The following C12orf42 variants were observed in gnomAD, a reference collection of about 807,000 sequenced individuals.
The protein encoded by C12orf42 is chromosome 12 open reading frame 42.
A neutral mutation model predicts 21.6 loss-of-function variants in C12orf42; 25 were observed. The ratio of observed to expected loss-of-function variants is 1.16; its 90% confidence interval spans 0.84 to 1.62. The LOEUF (loss-of-function observed/expected upper bound fraction) is 1.62. C12orf42 is among the 40% of genes most tolerant of loss of function. The pLI is 0.00. For synonymous variants in C12orf42, 174 were observed against 175.0 expected, an observed-to-expected ratio of 0.99 and a Z score of 0.05; for missense variants, 483 against 459.3, an observed-to-expected ratio of 1.05 and a Z score of -0.47.
At chr12:103,287,826 G>C (rs1419586060) in intron 4 of C12orf42, among the ~76,000 whole-genome samples, 1 of 151,722 alleles carries the variant, frequency 6.6e-6, no homozygotes. Flanking sequence ...GAGAGACAGA[G>C]AGAGAAAGTT....
the C12orf42 span, among the ~76,000 whole-genome samples, chr12:103,093,223 A>T: frequency 6.6e-6 from 1 of 152,136 alleles, no homozygotes; most frequent in Non-Finnish European, 1.5e-5. Flanking sequence ...ATTCAGCTTG[A>T]CCATGTCTGA....
At chr12:103,077,864 A>G in the C12orf42 span, among the ~76,000 whole-genome samples, 1 of 152,194 alleles carries the variant, frequency 6.6e-6, no homozygotes, top group South Asian at 2.1e-4. Flanking sequence ...TTTAGAGTCC[A>G]CAATAGTTGC....
the C12orf42 span, among the ~76,000 whole-genome samples, chr12:103,232,583 C>T: frequency 2.6e-5 from 4 of 152,006 alleles, no homozygotes; most frequent in South Asian, 4.2e-4. Flanking sequence ...TGGTGGCAGG[C>T]GCCTGTAGTC....
chr12:103,458,518 TAA>T (rs923496460), intron 2 of C12orf42, among the ~76,000 whole-genome samples: 1 of 152,116 alleles, frequency 6.6e-6, no homozygotes, highest in African/African-American at 2.4e-5. Flanking sequence ...CACTTTGAGA[TAA>T]AAATATCTAC....
At chr12:103,469,705 C>T (rs778590220) in intron 2 of C12orf42, among the ~76,000 whole-genome samples, 1 of 152,130 alleles carries the variant, frequency 6.6e-6, no homozygotes, top group Admixed American at 6.5e-5. Flanking sequence ...GTGGAATCAA[C>T]GGGCATGGAT....
the C12orf42 span, among the ~76,000 whole-genome samples, chr12:103,067,161 A>T: frequency 1.3e-5 from 2 of 152,198 alleles, no homozygotes; most frequent in African/African-American, 4.8e-5. Flanking sequence ...CATTATGGAA[A>T]GGGCAGAGGT....
intron 2 of C12orf42, among the ~76,000 whole-genome samples, chr12:103,415,734 A>C (rs1593904608): frequency 6.6e-6 from 1 of 152,318 alleles, no homozygotes; most frequent in Non-Finnish European, 1.5e-5. Context: ...GGTTTTAAAC[A>C]GGAGTAAATG....
the C12orf42 span, among the ~76,000 whole-genome samples, chr12:103,507,280 TA>T: frequency 0.041 from 3,166 of 76,402 alleles, 847 homozygotes; most frequent in African/African-American, 0.2. Flanking sequence ...ATATTATATA[TA>T]TTTTTTTTTA....
the C12orf42 span, among the ~76,000 whole-genome samples, chr12:103,188,596 C>T: frequency 6.6e-6 from 1 of 152,148 alleles, no homozygotes; most frequent in East Asian, 1.9e-4. Flanking sequence ...GGGGTGGATC[C>T]CTTATGAATG....
At chr12:103,359,802 T>C (rs939668280) in intron 4 of C12orf42, among the ~76,000 whole-genome samples, 3 of 152,014 alleles carry the variant, frequency 2.0e-5, no homozygotes, top group Non-Finnish European at 2.9e-5. Context: ...CATCTCTTAC[T>C]CACTTCTGTG....
At chr12:103,488,274 T>C (rs903091807) in intron 1 of C12orf42, among the ~76,000 whole-genome samples, 1 of 152,234 alleles carries the variant, frequency 6.6e-6, no homozygotes, top group African/African-American at 2.4e-5. Context: ...TGTTGAATAT[T>C]GGCCCCCACT....
the C12orf42 span, among the ~76,000 whole-genome samples, chr12:103,108,336 C>T: frequency 1.3e-5 from 2 of 151,756 alleles, no homozygotes; most frequent in Non-Finnish European, 2.9e-5. Flanking sequence ...CTCTTCATAG[C>T]AAAAGTAGAC....
intron 3 of C12orf42, among the ~76,000 whole-genome samples, chr12:103,398,103 T>A (rs1311963432): frequency 2.6e-5 from 4 of 152,182 alleles, no homozygotes; most frequent in Admixed American, 2.0e-4. Flanking sequence ...CTGTGTTAGA[T>A]CATGAAAATG....
At chr12:103,359,457 A>G (rs1356127548) in intron 4 of C12orf42, among the ~76,000 whole-genome samples, 1 of 152,144 alleles carries the variant, frequency 6.6e-6, no homozygotes, top group East Asian at 1.9e-4. Flanking sequence ...TAGTGAATTC[A>G]TACAATGGAA....
chr12:103,061,365 A>G, the C12orf42 span, among the ~76,000 whole-genome samples: 3,428 of 152,208 alleles, frequency 0.023, 57 homozygotes, highest in African/African-American at 0.044. Flanking sequence ...GATGGATATA[A>G]TGTTCTATAC....
chr12:103,311,870 G>A (rs1239161801), intron 4 of C12orf42, among the ~76,000 whole-genome samples: 2 of 152,168 alleles, frequency 1.3e-5, no homozygotes, highest in Non-Finnish European at 2.9e-5. Context: ...TGATGAAAAT[G>A]TATAATCAGG....
At chr12:103,262,651 C>G (rs1360656658) in intron 10 of C12orf42, among the ~76,000 whole-genome samples, 1 of 152,012 alleles carries the variant, frequency 6.6e-6, no homozygotes, top group Non-Finnish European at 1.5e-5. Flanking sequence ...TCTATTAAAA[C>G]AACAGATGCT....
At chr12:103,540,584 G>A in the C12orf42 span, among the ~76,000 whole-genome samples, 1 of 152,072 alleles carries the variant, frequency 6.6e-6, no homozygotes, top group Non-Finnish European at 1.5e-5. Context: ...TTTGCCTTCA[G>A]GTCTAAAATT....
At chr12:103,232,222 ATT>A in the C12orf42 span, among the ~76,000 whole-genome samples, 1 of 152,152 alleles carries the variant, frequency 6.6e-6, no homozygotes, top group Non-Finnish European at 1.5e-5. Flanking sequence ...TCAGATATGC[ATT>A]TAGCAAATAT....
Sources: allele counts gnomAD v4.1 joint callset (sites outside exome capture counted in the v4.1 genomes callset), GRCh38; gene constraint gnomAD v4.1.1; transcripts MANE v1.5; gene names NCBI Gene and HGNC (gene_info 2026-07-23, HGNC 2026-07-21).